The following MTDH variants were observed in gnomAD, a reference collection of about 807,000 sequenced individuals.
The protein encoded by MTDH is protein LYRIC.
In MTDH, 34 loss-of-function variants were observed where a neutral mutation model predicts 72.7. The observed-to-expected ratio is 0.47, with a 90% confidence interval of 0.36 to 0.62. The LOEUF (loss-of-function observed/expected upper bound fraction) is 0.62. MTDH is among the 20% of genes least tolerant of loss of function. The pLI is 0.00. For missense variants in MTDH, 677 were observed against 699.4 expected (o/e 0.97, Z 0.36); for synonymous variants, 266 against 268.9 (o/e 0.99, Z 0.10).
intron 6 of MTDH, among the ~76,000 whole-genome samples, chr8:97,698,236 A>G (rs1019898153): frequency 6.6e-6 from 1 of 152,202 alleles, no homozygotes; most frequent in Non-Finnish European, 1.5e-5. Context: ...TCTGAATCCA[A>G]AATACATATC....
chr8:97,712,333 G>A (rs993790851), intron 8 of MTDH, among the ~76,000 whole-genome samples: 4 of 152,138 alleles, frequency 2.6e-5, no homozygotes, highest in African/African-American at 9.7e-5. Context: ...CACTGCTCCT[G>A]GCCTTGGTAT....
At position 97,728,049 on chromosome 8, in the gene MTDH, T is replaced by C. The variant is rs1446672330; in HGVS notation, c.*3379T>C. 2 of 152,200 alleles carry C rather than the reference T, an allele frequency of 1.3e-5. No homozygotes were observed. Among genetic ancestry groups the C allele is most frequent in the Non-Finnish European group, 2.9e-5 (2 of 68,036 alleles). The allele number at this position is 152,200 out of a possible 1,614,324, so 9.4% of individuals were successfully genotyped here. A position where few individuals can be genotyped will look rare whatever the true frequency, so the allele number is the denominator to read the frequency against. On this transcript the variant is annotated 3_prime_UTR_variant, in exon 12 of 12. Coordinates refer to ENST00000336273, the MANE Select transcript of MTDH (RefSeq NM_178812.4). ...TACTGGAGGGCAATATTTACAGAGTTTAGTTTTTCTTAATTAAAAACAGTC... is the reference window on the plus strand; with the variant it reads ...TACTGGAGGGCAATATTTACAGAGTCTAGTTTTTCTTAATTAAAAACAGTC...
chr8:97,657,366 G>A (rs1812021208), intron 1 of MTDH, among the ~76,000 whole-genome samples: 1 of 152,182 alleles, frequency 6.6e-6, no homozygotes, highest in African/African-American at 2.4e-5. Context: ...ATTGGCCCTG[G>A]TGGGGAAGAC....
chr8:97,696,399 T>C, intron 6 of MTDH: 2 of 434,498 alleles, frequency 4.6e-6, no homozygotes, highest in South Asian at 9.8e-5. Context: ...TCAATATAAA[T>C]AGCAGGTATT....
chr8:97,724,708 C>T lies in MTDH; in HGVS notation c.*38C>T. The T allele has an allele frequency of 2.1e-6, 3 of 1,459,694 alleles. No individual in the cohort carries two copies. The highest frequency in any genetic ancestry group is 1.9e-6 in the Non-Finnish European group (2 of 1,070,892). The allele number at this position is 1,459,694 out of a possible 1,614,324, so 90.4% of individuals were successfully genotyped here. ...TGAATTGGACATGTGTTTGCAAACA[C>T]TTGTCTTGAAGATTATGCTGTTTAT... On this transcript the variant is annotated 3_prime_UTR_variant, in exon 12 of 12. Transcript: ENST00000336273.
chr8:97,706,715 C>T lies in MTDH; in HGVS notation c.1237C>T (p.Leu413=). 4.3e-6 allele frequency: 7 copies of T among 1,613,878 alleles called. No homozygotes were observed. The highest frequency in any genetic ancestry group is 5.9e-6 in the Non-Finnish European group (7 of 1,179,894). Residue 413 remains leucine, a synonymous_variant, in exon 8 of 12, where the codon CTA becomes TTA. Coordinates refer to ENST00000336273, the MANE Select transcript of MTDH (RefSeq NM_178812.4). ...GGTAGACGAAGAAAGAGCTTCACTT[C>T]TAAAGTCCCAGGAACCAATTCCTGA... ...NWVDEERASL[L]KSQEPIPDDQ...
At chr8:97,663,713 C>T (rs572646169) in intron 2 of MTDH, among the ~76,000 whole-genome samples, 98 of 136,632 alleles carry the variant, frequency 7.2e-4, no homozygotes, top group African/African-American at 2.8e-3. Flanking sequence ...CGCGCCACTG[C>T]ACTCCAGCCT....
At chr8:97,693,241 A>G (rs546536398) in intron 6 of MTDH, among the ~76,000 whole-genome samples, 1 of 152,234 alleles carries the variant, frequency 6.6e-6, no homozygotes, top group East Asian at 1.9e-4. Context: ...CTAATTCGAT[A>G]AGCAAAAAGT....
intron 2 of MTDH, among the ~76,000 whole-genome samples, chr8:97,679,346 GTAATAA>G (rs911828924): frequency 6.6e-6 from 1 of 151,954 alleles, no homozygotes; most frequent in African/African-American, 2.4e-5. Context: ...GATGATAATA[GTAATAA>G]TAATAATAAA....
Position 97,713,711 on chromosome 8 carries a change from A to G in MTDH, c.1322A>G (p.Lys441Arg). The G allele has an allele frequency of 6.2e-7, 1 of 1,609,864 alleles. No homozygotes were observed. The highest frequency in any genetic ancestry group is 1.3e-5 in the African/African-American group (1 of 74,800). The change falls in exon 9 of 12, where the codon AAA (lysine) becomes AGA (arginine). Residue 441 changes from lysine (K) to arginine (R), a missense_variant. By Grantham distance (26) the Lys-to-Arg change is conservative. Transcript: ENST00000336273. ...GGAGAGGGAGCTCTTCCAACTGGGA[A>G]ATCCAAAAAGAAAAAAAAGAAAAAG... ...EKGEGALPTG[K>R]SKKKKKKKKK...
chr8:97,702,475 C>T (rs1814171855), intron 7 of MTDH, among the ~76,000 whole-genome samples: 2 of 152,290 alleles, frequency 1.3e-5, no homozygotes, highest in South Asian at 4.1e-4. Context: ...ACATATAAAG[C>T]TCTTAGAACA....
At chr8:97,680,429 T>C (rs1000622273) in intron 2 of MTDH, among the ~76,000 whole-genome samples, 6 of 152,210 alleles carry the variant, frequency 3.9e-5, no homozygotes, top group African/African-American at 1.4e-4. Flanking sequence ...AAATATTGTT[T>C]GTAGTCCCAA....
At chr8:97,718,887 G>T (rs896305303) in intron 9 of MTDH, among the ~76,000 whole-genome samples, 162 bp from the exon 10 acceptor site, 3 of 149,120 alleles carry the variant, frequency 2.0e-5, no homozygotes, top group African/African-American at 7.4e-5. Flanking sequence ...GTAGAGACAG[G>T]GTTTCACCAT....
intron 7 of MTDH, among the ~76,000 whole-genome samples, chr8:97,701,808 T>C (rs989040673): frequency 6.6e-6 from 1 of 152,158 alleles, no homozygotes; most frequent in African/African-American, 2.4e-5. Context: ...TAAGATACTT[T>C]GAATATGAAA....
In MTDH at chr8:97,713,690, A is replaced by C. The variant is rs1361138568; in HGVS notation, c.1301A>C (p.Glu434Ala). 6 of 1,606,386 alleles carry C rather than the reference A, an allele frequency of 3.7e-6. No homozygotes were observed. Among genetic ancestry groups the C allele is most frequent in the Middle Eastern group, 1.7e-4 (1 of 6,000 alleles). ...KVSDDDKEKG[E>A]GALPTGKSKK... ...TCAGATGATGATAAAGAAAAGGGAG[A>C]GGGAGCTCTTCCAACTGGGAAATCC... Residue 434 changes from glutamate (E) to alanine (A), a missense_variant, in exon 9 of 12, where the codon GAG (glutamate) becomes GCG (alanine). Transcript: ENST00000336273.
At chr8:97,687,173 TATATC>T (rs1813399995) in intron 3 of MTDH, among the ~76,000 whole-genome samples, 1 of 152,140 alleles carries the variant, frequency 6.6e-6, no homozygotes, top group South Asian at 2.1e-4. Flanking sequence ...ATGACTTATA[TATATC>T]ACTTTTTCTA....
intron 6 of MTDH, among the ~76,000 whole-genome samples, chr8:97,699,335 G>T (rs1396512518): frequency 4.6e-5 from 7 of 152,020 alleles, no homozygotes; most frequent in Non-Finnish European, 7.4e-5. Context: ...TGTGGTTCCA[G>T]CTGAGGTAGG....
intron 1 of MTDH, 94 bp downstream of exon 1, chr8:97,644,981 A>G: frequency 2.2e-6 from 3 of 1,390,440 alleles, no homozygotes; most frequent in Non-Finnish European, 2.8e-6. Context: ...CGGGAAGGAA[A>G]AGAGTGCTTA....
chr8:97,706,492 G>A lies in MTDH; in HGVS notation c.1148-134G>A, dbSNP rs576466649. 88 of 685,056 alleles carry A rather than the reference G, an allele frequency of 1.3e-4. 2 individuals carry two copies. In the South Asian group the frequency reaches 3.6e-3, roughly 28 times the overall value. 42.4% of individuals were successfully genotyped at this position (685,056 alleles called of 1,614,324 possible). ...TACCTTCATGTTATTTTTTTTTCTG[G>A]CTCTTAAAATGTGCTTGGGAGACAG... On this transcript the variant is annotated intron_variant, in intron 7 of 11. Coordinates refer to ENST00000336273, the MANE Select transcript of MTDH (RefSeq NM_178812.4).
Sources: allele counts gnomAD v4.1 joint callset (sites outside exome capture counted in the v4.1 genomes callset), GRCh38; gene constraint gnomAD v4.1.1; transcripts MANE v1.5; gene names NCBI Gene and HGNC (gene_info 2026-07-23, HGNC 2026-07-21).